OR4A15: variants seen among roughly 807,000 people sequenced by gnomAD.
The protein encoded by OR4A15 is olfactory receptor 4A15.
For missense variants in OR4A15, 657 were observed against 374.7 expected (o/e 1.75, Z -6.22); for synonymous variants, 240 against 135.6 (o/e 1.77, Z -5.35).
exon 1 of OR4A15, chr11:55,368,734 T>C (rs773554113): frequency 6.2e-7 from 1 of 1,613,800 alleles, no homozygotes; most frequent in South Asian, 1.1e-5. Flanking sequence ...CCCTGTATCT[T>C]CTTGTATGCA....
In OR4A15 at chr11:55,368,706, G is replaced by T. The variant is rs200174464; in HGVS notation, c.733G>T (p.Val245Phe). Reference sequence around the variant, plus strand: ...CACCTGTGCATCCCACGTCACTGTGGTCATTTTATTCTTTGTCCCCTGTAT... The same window carrying T: ...CACCTGTGCATCCCACGTCACTGTGTTCATTTTATTCTTTGTCCCCTGTAT... The change falls in exon 1 of 1, where the codon GTC becomes TTC. Residue 245 changes from valine to phenylalanine, a missense_variant. Coordinates refer to ENST00000641526, the Ensembl canonical transcript of OR4A15. The T allele has an allele frequency of 6.8e-6, 11 of 1,613,680 alleles. No individual in the cohort carries two copies. The East Asian group carries it at 1.1e-4, about 16-fold the overall frequency.
chr11:55,368,730 ATCT>A lies in OR4A15; in HGVS notation c.762_764del (p.Phe254del), dbSNP rs778526003. 1.6e-5 allele frequency: 26 copies of A among 1,613,674 alleles called. No individual in the cohort carries two copies. The East Asian group carries it at 5.6e-4, about 35-fold the overall frequency. On this transcript the variant is annotated inframe_deletion, in exon 1 of 1. Transcript: ENST00000641526. ...GGTCATTTTATTCTTTGTCCCCTGT[ATCT>A]TCTTGTATGCAAGGCCCAATTCTAC...
At chr11:55,368,444 A>G in exon 1 of OR4A15, 4 of 1,611,218 alleles carry the variant, frequency 2.5e-6, no homozygotes, top group Non-Finnish European at 3.4e-6. Flanking sequence ...CATTGGTTCA[A>G]TTTCTCTTTA....
chr11:55,368,906 G>C (rs1213098856), exon 1 of OR4A15: 2 of 1,595,492 alleles, frequency 1.3e-6, no homozygotes, highest in Non-Finnish European at 8.5e-7. Flanking sequence ...GGAAATGGCT[G>C]TATCACTCAT....
At chr11:55,368,570 T>C in exon 1 of OR4A15, 2 of 1,613,692 alleles carry the variant, frequency 1.2e-6, no homozygotes, top group Non-Finnish European at 1.7e-6. Flanking sequence ...CTATGATAGC[T>C]AATGGAGGAG....
At chr11:55,368,447 T>A (rs1216577950) in exon 1 of OR4A15, 2 of 1,611,474 alleles carry the variant, frequency 1.2e-6, no homozygotes, top group Non-Finnish European at 1.7e-6. Context: ...TGGTTCAATT[T>A]CTCTTTATTT....
chr11:55,368,871 T>A (rs1451589792), exon 1 of OR4A15: 1 of 1,609,536 alleles, frequency 6.2e-7, no homozygotes. Context: ...GAGGAAACTT[T>A]GGAGTAAAAA....
At chr11:55,368,202 C>T in exon 1 of OR4A15, 2 of 1,613,596 alleles carry the variant, frequency 1.2e-6, no homozygotes, top group East Asian at 2.2e-5. Context: ...TGCATTTGCT[C>T]CCAAAATGAT....
chr11:55,368,293 G>C, exon 1 of OR4A15: 3 of 1,613,798 alleles, frequency 1.9e-6, no homozygotes, highest in Non-Finnish European at 8.5e-7. Context: ...TTATTTGCTG[G>C]TGCTGAAGTC....
exon 1 of OR4A15, chr11:55,368,229 G>A (rs774979270): frequency 9.3e-6 from 15 of 1,613,758 alleles, no homozygotes; most frequent in Admixed American, 5.0e-5. Flanking sequence ...CTTGCTCTCT[G>A]AGAAAAAGAC....
rs781305849 is a variant in OR4A15 at position 55,368,383 on chromosome 11, G to C, written c.410G>C (p.Arg137Pro). ...CATGAATTGATCACCATGAATCGTC[G>C]AGTCTGTGTTCTTATGCTGTTGGCG... Residue 137 changes from arginine to proline, a missense_variant, in exon 1 of 1, where the codon CGA becomes CCA. Transcript: ENST00000641526. The C allele has an allele frequency of 4.3e-5, 69 of 1,613,382 alleles. No individual in the cohort carries two copies. Among genetic ancestry groups the C allele is most frequent in the Non-Finnish European group, 5.7e-5 (67 of 1,179,594 alleles).
rs150217199 is a variant in OR4A15 at position 55,368,331 on chromosome 11, C to T, written c.358C>T (p.Arg120Ter). ...TCTTCTGGTGGTAATGGCCTATGATCGATACATGGCCATCTGTAAGCCTCT... is the reference window on the plus strand; with the variant it reads ...TCTTCTGGTGGTAATGGCCTATGATTGATACATGGCCATCTGTAAGCCTCT... Residue 120 changes from arginine (R) to a stop codon, truncating the protein, a stop_gained, in exon 1 of 1, where the codon CGA becomes TGA. Transcript: ENST00000641526. LOFTEE classifies it low-confidence loss of function (END_TRUNC). 2.2e-5 allele frequency: 36 copies of T among 1,612,922 alleles called. No individual in the cohort carries two copies. Among genetic ancestry groups the T allele is most frequent in the Middle Eastern group, 1.6e-4 (1 of 6,076 alleles).
At chr11:55,368,364 T>A in exon 1 of OR4A15, 1 of 1,613,016 alleles carries the variant, frequency 6.2e-7, no homozygotes, top group Non-Finnish European at 8.5e-7. Flanking sequence ...TCTTCATGAA[T>A]TGATCACCAT....
chr11:55,368,790 C>T, exon 1 of OR4A15: 1 of 1,613,400 alleles, frequency 6.2e-7, no homozygotes, highest in Non-Finnish European at 8.5e-7. Flanking sequence ...GACTGTAGTT[C>T]TAACTTTTAT....
At chr11:55,368,027 C>G in exon 1 of OR4A15, 2 of 1,613,478 alleles carry the variant, frequency 1.2e-6, no homozygotes, top group Non-Finnish European at 1.7e-6. Flanking sequence ...TCACACAGAA[C>G]CCTGAGGGGC....
chr11:55,368,735 C>G, exon 1 of OR4A15: 2 of 1,613,742 alleles, frequency 1.2e-6, no homozygotes, highest in Non-Finnish European at 1.7e-6. Context: ...CCTGTATCTT[C>G]TTGTATGCAA....
rs777279062 is a variant in OR4A15 at position 55,368,025 on chromosome 11, A to G, written c.52A>G (p.Asn18Asp). 3 of 1,613,584 alleles carry G rather than the reference A, an allele frequency of 1.9e-6. No individual in the cohort carries two copies. Residue 18 changes from asparagine (N) to aspartate (D), a missense_variant, in exon 1 of 1, where the codon AAC (asparagine) becomes GAC (aspartate). By Grantham distance (23) the Asn-to-Asp change is conservative (BLOSUM62 1). Transcript: ENST00000641526. ...ATTTATCCTCTTAGGGCTCACACAG[A>G]ACCCTGAGGGGCAAAAGGTTTTATT...
chr11:55,368,674 C>A (rs199544134), exon 1 of OR4A15: 3 of 1,613,704 alleles, frequency 1.9e-6, no homozygotes, highest in African/African-American at 1.3e-5. Flanking sequence ...AAACGAAAAG[C>A]TTTCTACACC....
At chr11:55,368,721 G>T in exon 1 of OR4A15, 1 of 1,613,648 alleles carries the variant, frequency 6.2e-7, no homozygotes, top group Non-Finnish European at 8.5e-7. Flanking sequence ...TTTATTCTTT[G>T]TCCCCTGTAT....
Sources: gnomAD v4.1 joint callset for allele counts on GRCh38, gnomAD v4.1.1 for gene constraint, MANE v1.5 for transcripts, NCBI Gene and HGNC (gene_info 2026-07-23, HGNC 2026-07-21) for gene names.